ALDH1A2: variants seen among roughly 807,000 people sequenced by gnomAD.
ALDH1A2 encodes retinal dehydrogenase 2.
A neutral mutation model predicts 60.3 loss-of-function variants in ALDH1A2; 27 were observed. That is an observed-to-expected ratio of 0.45 (90% confidence interval 0.33 to 0.62). The LOEUF is 0.62. Ranked by LOEUF, ALDH1A2 falls within the 20% of genes least tolerant of loss-of-function variation. The probability of loss-of-function intolerance (pLI) is 0.02; values close to 1 mark genes in which losing one functional copy is unlikely to be tolerated. For synonymous variants in ALDH1A2, 289 were observed against 232.4 expected, an observed-to-expected ratio of 1.24 and a Z score of -2.21; for missense variants, 581 against 643.8, an observed-to-expected ratio of 0.90 and a Z score of 1.06.
At chr15:58,046,305 AAG>A (rs1234367169) in intron 1 of ALDH1A2, among the ~76,000 whole-genome samples, 1 of 152,050 alleles carries the variant, frequency 6.6e-6, no homozygotes, top group Non-Finnish European at 1.5e-5. Flanking sequence ...TACTTTTCAA[AAG>A]AGAGCATCAG....
intron 5 of ALDH1A2, among the ~76,000 whole-genome samples, chr15:57,994,752 AAAC>A (rs1894996638): frequency 6.6e-6 from 1 of 152,170 alleles, no homozygotes; most frequent in Non-Finnish European, 1.5e-5. Context: ...TCTAAAAAAT[AAAC>A]AACTATAACA....
intron 12 of ALDH1A2, among the ~76,000 whole-genome samples, chr15:57,955,891 C>T (rs1893507985): frequency 6.6e-6 from 1 of 152,050 alleles, no homozygotes; most frequent in Non-Finnish European, 1.5e-5. Context: ...CTTTTTTCCC[C>T]TTATCTAATC....
intron 1 of ALDH1A2, among the ~76,000 whole-genome samples, chr15:58,037,605 T>C (rs1896409521): frequency 2.0e-5 from 3 of 151,772 alleles, no homozygotes. Context: ...AATGTGATAT[T>C]CACATTCTTG....
At chr15:57,973,229 G>GT (rs1277999091) in intron 7 of ALDH1A2, among the ~76,000 whole-genome samples, 1 of 152,152 alleles carries the variant, frequency 6.6e-6, no homozygotes. Flanking sequence ...ATTGACTTGT[G>GT]TTTATAAGAG....
At chr15:58,019,015 G>T (rs1329528741) in intron 1 of ALDH1A2, among the ~76,000 whole-genome samples, 4 of 152,106 alleles carry the variant, frequency 2.6e-5, no homozygotes, top group Non-Finnish European at 5.9e-5. Context: ...ATAATATTTT[G>T]TCAATGTTAA....
At position 57,953,648 on chromosome 15, in the gene ALDH1A2, A is replaced by C. The variant is rs1893421013; in HGVS notation, c.*1549T>G. On this transcript the variant is annotated 3_prime_UTR_variant, in exon 13 of 13. Transcript: ENST00000249750. Reference sequence around the variant, plus strand: ...CTCACGGCACTGGGCTGCTGAATGCACTGTCGTTTGTAAATAACAGCAAGT... The same window carrying C: ...CTCACGGCACTGGGCTGCTGAATGCCCTGTCGTTTGTAAATAACAGCAAGT... The C allele has an allele frequency of 6.5e-6, 1 of 152,752 alleles. No homozygotes were observed. The highest frequency in any genetic ancestry group is 1.5e-5 in the Non-Finnish European group (1 of 68,040). 9.5% of individuals were successfully genotyped at this position (152,752 alleles called of 1,614,324 possible).
chr15:58,062,896 A>G (rs568852756), intron 1 of ALDH1A2, among the ~76,000 whole-genome samples: 1 of 152,336 alleles, frequency 6.6e-6, no homozygotes, highest in South Asian at 2.1e-4. Context: ...CACAACCATG[A>G]GTTTAGCCCT....
intron 4 of ALDH1A2, among the ~76,000 whole-genome samples, chr15:58,001,592 GA>G (rs1247557439): frequency 1.3e-5 from 2 of 151,820 alleles, no homozygotes; most frequent in Non-Finnish European, 2.9e-5. Flanking sequence ...GATACATAAT[GA>G]GTACTCTTCT....
chr15:57,958,324 T>G (rs542254303), intron 12 of ALDH1A2, among the ~76,000 whole-genome samples: 550 of 152,312 alleles, frequency 3.6e-3, no homozygotes, highest in African/African-American at 0.013. Context: ...ACAGAATTCT[T>G]TCCATCTCCT....
At chr15:58,037,398 A>G (rs1896403451) in intron 1 of ALDH1A2, among the ~76,000 whole-genome samples, 1 of 151,728 alleles carries the variant, frequency 6.6e-6, no homozygotes, top group Admixed American at 6.6e-5. Context: ...AAAGCCAAGG[A>G]AAATAAATAC....
chr15:58,043,033 G>A lies in ALDH1A2; in HGVS notation c.117+22501C>T, dbSNP rs8028267. Among the ~76,000 whole-genome samples the A allele has an allele frequency of 2.4e-3, 361 of 152,068 alleles. 1 individual carries two copies. The highest frequency in any genetic ancestry group is 8.4e-3 in the African/African-American group (348 of 41,524). On this transcript the variant is annotated intron_variant, in intron 1 of 12. Transcript: ENST00000249750. The stretch of plus-strand genomic sequence containing the variant: ...CTTATTTTCTTCTACAGCACAGGAG[G>A]AGGAGGAAAAGGAAGAGGTGAAGTT...
chr15:57,985,946 G>A (rs1409282650), intron 7 of ALDH1A2, among the ~76,000 whole-genome samples: 2 of 152,178 alleles, frequency 1.3e-5, no homozygotes, highest in Non-Finnish European at 2.9e-5. Context: ...TCCAAATCCA[G>A]TATGTCCTTA....
intron 4 of ALDH1A2, among the ~76,000 whole-genome samples, chr15:58,003,628 G>A (rs1254587366): frequency 6.6e-6 from 1 of 151,680 alleles, no homozygotes; most frequent in Non-Finnish European, 1.5e-5. Flanking sequence ...AAAATCTAAG[G>A]CAATACAAAT....
At chr15:58,038,629 T>C (rs1183649401) in intron 1 of ALDH1A2, 1 of 151,842 alleles carries the variant, frequency 6.6e-6, no homozygotes, top group Non-Finnish European at 1.5e-5. Flanking sequence ...TCACAGCATG[T>C]GTTCCTCTGC....
At chr15:58,012,387 C>T (rs372255068) in intron 3 of ALDH1A2, among the ~76,000 whole-genome samples, 19 of 152,182 alleles carry the variant, frequency 1.2e-4, no homozygotes, top group African/African-American at 3.9e-4. Context: ...AAGTTTAATT[C>T]TCAAGAAAAT....
At chr15:57,957,780 A>AAAAC (rs1248461321) in intron 12 of ALDH1A2, among the ~76,000 whole-genome samples, 7 of 152,294 alleles carry the variant, frequency 4.6e-5, no homozygotes, top group African/African-American at 1.7e-4. Flanking sequence ...ACTTGCTCAT[A>AAAAC]AAACAAGTAA....
At chr15:57,976,624 A>G (rs1457305359) in intron 7 of ALDH1A2, among the ~76,000 whole-genome samples, 1 of 152,154 alleles carries the variant, frequency 6.6e-6, no homozygotes, top group Non-Finnish European at 1.5e-5. Flanking sequence ...ATGGTATTCC[A>G]TGGTGTATAT....
At chr15:58,001,690 C>G (rs1164216815) in intron 4 of ALDH1A2, among the ~76,000 whole-genome samples, 2 of 151,868 alleles carry the variant, frequency 1.3e-5, no homozygotes, top group African/African-American at 2.4e-5. Context: ...AAGGTTGTTT[C>G]CTTCATTTCT....
chr15:57,984,676 A>G (rs1029564569), intron 7 of ALDH1A2, among the ~76,000 whole-genome samples: 2 of 152,240 alleles, frequency 1.3e-5, no homozygotes, highest in Non-Finnish European at 2.9e-5. Flanking sequence ...TTCAGGCTGC[A>G]GCATGTATAA....
Sources: gnomAD v4.1 joint callset for allele counts (sites outside exome capture counted in the v4.1 genomes callset) on GRCh38, gnomAD v4.1.1 for gene constraint, MANE v1.5 for transcripts, NCBI Gene and HGNC (gene_info 2026-07-23, HGNC 2026-07-21) for gene names.